Variants in AUTS2 observed in about 807,000 individuals in gnomAD.
The protein encoded by AUTS2 is autism susceptibility gene 2 protein.
In AUTS2, 17 loss-of-function variants were observed where a neutral mutation model predicts 112.4. That is an observed-to-expected ratio of 0.15 (90% CI 0.10 to 0.23). AUTS2 has a LOEUF of 0.23. Among genes scored for constraint, AUTS2 ranks in the 10% least tolerant of loss-of-function variants. The pLI is 1.00. For missense variants in AUTS2, 1,510 were observed against 1,701.6 expected, an observed-to-expected ratio of 0.89 and a Z score of 1.98; for synonymous variants, 751 against 702.7, an observed-to-expected ratio of 1.07 and a Z score of -1.09.
intron 6 of AUTS2, among the ~76,000 whole-genome samples, chr7:70,757,396 T>C (rs554617764): frequency 6.6e-6 from 1 of 152,324 alleles, no homozygotes; most frequent in Admixed American, 6.5e-5. Context: ...GCTAGGTAAT[T>C]ATATTTTTTG....
intron 5 of AUTS2, among the ~76,000 whole-genome samples, chr7:70,511,144 C>T (rs1435839819): frequency 7.2e-5 from 11 of 151,948 alleles, no homozygotes; most frequent in Admixed American, 7.2e-4. Flanking sequence ...CCACTGCGCT[C>T]GGCCTTTAAT....
intron 5 of AUTS2, among the ~76,000 whole-genome samples, chr7:70,524,934 G>T (rs1006199320): frequency 2.0e-5 from 3 of 152,226 alleles, no homozygotes; most frequent in African/African-American, 7.2e-5. Flanking sequence ...TCAGTGAAAT[G>T]GAGGTGGGGA....
chr7:70,706,188 G>A (rs910507107), intron 6 of AUTS2, among the ~76,000 whole-genome samples: 3 of 152,282 alleles, frequency 2.0e-5, no homozygotes, highest in Admixed American at 6.5e-5. Context: ...CTTATGTTAG[G>A]TGTCATCTGC....
chr7:70,371,322 T>C (rs1792826804), intron 4 of AUTS2, among the ~76,000 whole-genome samples: 1 of 152,210 alleles, frequency 6.6e-6, no homozygotes, highest in Non-Finnish European at 1.5e-5. Flanking sequence ...AAAGACACCA[T>C]TGTAAATAAT....
intron 6 of AUTS2, among the ~76,000 whole-genome samples, chr7:70,702,424 T>C (rs1452745023): frequency 3.3e-5 from 5 of 152,220 alleles, no homozygotes; most frequent in South Asian, 2.1e-4. Context: ...AGACAACTCA[T>C]AGATAGACGG....
At chr7:69,667,863 C>A (rs1415279252) in intron 1 of AUTS2, among the ~76,000 whole-genome samples, 2 of 152,210 alleles carry the variant, frequency 1.3e-5, no homozygotes, top group Non-Finnish European at 2.9e-5. Context: ...TACAGCCTCA[C>A]TTCCACCTCT....
At chr7:70,165,407 A>AT (rs1808329678) in intron 4 of AUTS2, among the ~76,000 whole-genome samples, 1 of 152,210 alleles carries the variant, frequency 6.6e-6, no homozygotes, top group Non-Finnish European at 1.5e-5. Context: ...TTGAAGACAG[A>AT]GAAAAAAATA....
chr7:69,675,530 A>G lies in AUTS2; in HGVS notation c.309+75568A>G, dbSNP rs1452817220. Among the ~76,000 whole-genome samples the G allele has an allele frequency of 1.7e-4, 18 of 105,776 alleles. No individual in the cohort carries two copies. In the East Asian group the frequency reaches 4.4e-3, roughly 26 times the overall value. 69.4% of individuals were successfully genotyped at this position (105,776 alleles called of 152,430 possible). ...GTTTTTTTTTTTTTTTTTTTTTGAG[A>G]TGGAGTCTTGCTCTGTATCCCAGGC... On this transcript the variant is annotated intron_variant, in intron 1 of 18. Coordinates refer to ENST00000342771, the MANE Select transcript of AUTS2 (RefSeq NM_015570.4).
intron 4 of AUTS2, among the ~76,000 whole-genome samples, chr7:70,173,990 A>C (rs1808849278): frequency 1.3e-5 from 2 of 152,158 alleles, no homozygotes; most frequent in East Asian, 1.9e-4. Context: ...GTCTCATGTC[A>C]CTCACTTGAA....
chr7:69,879,320 C>CTTT (rs56852869), intron 1 of AUTS2, among the ~76,000 whole-genome samples: 43 of 144,732 alleles, frequency 3.0e-4, no homozygotes, highest in Admixed American at 9.6e-4. Flanking sequence ...TTTTTTTTTT[C>CTTT]TTTTTTTTTT....
At chr7:70,768,652 A>G (rs1436646840) in intron 10 of AUTS2, among the ~76,000 whole-genome samples, 6 of 152,260 alleles carry the variant, frequency 3.9e-5, no homozygotes, top group African/African-American at 1.2e-4. Flanking sequence ...CTTTAAACTC[A>G]TTCTCCTTTA....
At chr7:69,629,364 A>G (rs1160342413) in intron 1 of AUTS2, among the ~76,000 whole-genome samples, 1 of 152,188 alleles carries the variant, frequency 6.6e-6, no homozygotes, top group Non-Finnish European at 1.5e-5. Flanking sequence ...TAATGCTTAT[A>G]AAATACCTGA....
Position 70,766,780 on chromosome 7 carries a change from G to A in AUTS2, c.1689+446G>A, listed in dbSNP as rs1437376386. Among the ~76,000 whole-genome samples, 3 of 152,218 alleles carry A rather than the reference G, an allele frequency of 2.0e-5. No homozygotes were observed. Among genetic ancestry groups the A allele is most frequent in the Non-Finnish European group, 4.4e-5 (3 of 68,050 alleles). ...AGAGAGACCTCTGCCAGGAGGCTGGGACTGCATTGGGTGCCACCTGTGCAT... is the reference window on the plus strand; with the variant it reads ...AGAGAGACCTCTGCCAGGAGGCTGGAACTGCATTGGGTGCCACCTGTGCAT... On this transcript the variant is annotated intron_variant, in intron 9 of 18. Coordinates refer to ENST00000342771, the MANE Select transcript of AUTS2 (RefSeq NM_015570.4). This position sits in a 1 kb window ranked among gnomAD's most constrained non-coding sequence, Gnocchi z 4.8.
intron 1 of AUTS2, among the ~76,000 whole-genome samples, chr7:69,665,741 A>C (rs1281003151): frequency 6.6e-6 from 1 of 152,326 alleles, no homozygotes; most frequent in East Asian, 1.9e-4. Flanking sequence ...GAAGTAGTTA[A>C]TAATCAGAGT....
intron 1 of AUTS2, among the ~76,000 whole-genome samples, chr7:69,732,133 T>C (rs1387374002): frequency 1.3e-5 from 2 of 152,080 alleles, no homozygotes; most frequent in Admixed American, 1.3e-4. Context: ...AACAATGAAA[T>C]TCAGTCTTTG....
intron 4 of AUTS2, among the ~76,000 whole-genome samples, chr7:70,173,680 T>C (rs926164996): frequency 3.3e-5 from 5 of 152,238 alleles, no homozygotes; most frequent in Non-Finnish European, 7.3e-5. Flanking sequence ...CAACAGCATA[T>C]GCTCACTTCA....
intron 2 of AUTS2, among the ~76,000 whole-genome samples, chr7:70,046,119 G>T (rs1584632113): frequency 1.3e-5 from 2 of 152,242 alleles, no homozygotes; most frequent in East Asian, 3.9e-4. Context: ...GATTTATGAG[G>T]AAATATTGAC....
rs1214011455 is a variant in AUTS2 at position 69,733,139 on chromosome 7, T to C, written c.309+133177T>C. On this transcript the variant is annotated intron_variant, in intron 1 of 18. Coordinates refer to ENST00000342771, the MANE Select transcript of AUTS2 (RefSeq NM_015570.4). ...ATAATTGGCTACGGCTCAGGTGAGG[T>C]GCATAGGTGATGTGTCATTTCTCTC... 2.0e-5 allele frequency among the ~76,000 whole-genome samples: 3 copies of C among 152,036 alleles called. No individual in the cohort carries two copies. In the South Asian group the frequency reaches 6.2e-4, roughly 32 times the overall value.
Position 69,973,590 on chromosome 7 carries a change from A to C in AUTS2, c.522+74092A>C, listed in dbSNP as rs79370662. ...GGATTTTTCTCTATGTTCTTTATCAAATTGAAGTAGTTCCTTTCTATTCCT... is the reference window on the plus strand; with the variant it reads ...GGATTTTTCTCTATGTTCTTTATCACATTGAAGTAGTTCCTTTCTATTCCT... On this transcript the variant is annotated intron_variant, in intron 2 of 18. Transcript: ENST00000342771. Among the ~76,000 whole-genome samples, 80 of 152,262 alleles carry C rather than the reference A, an allele frequency of 5.3e-4. 1 individual carries two copies. Among genetic ancestry groups the C allele is most frequent in the African/African-American group, 1.8e-3 (75 of 41,572 alleles).
Sources: allele counts gnomAD v4.1 joint callset (sites outside exome capture counted in the v4.1 genomes callset), GRCh38; gene constraint gnomAD v4.1.1; non-coding constraint Gnocchi (gnomAD v3.1); transcripts MANE v1.5; gene names NCBI Gene and HGNC (gene_info 2026-07-23, HGNC 2026-07-21).